The following GRIA4 variants were observed in gnomAD, a reference collection of about 807,000 sequenced individuals.
GRIA4 encodes the protein glutamate receptor 4.
Under a neutral mutation model 104.0 loss-of-function variants are expected in GRIA4, and 34 were observed. The ratio of observed to expected loss-of-function variants is 0.33; its 90% CI spans 0.25 to 0.44. The LOEUF (loss-of-function observed/expected upper bound fraction) is 0.44. GRIA4 is among the 20% of genes least tolerant of loss of function. The probability of loss-of-function intolerance (pLI) is 1.00; values close to 1 mark genes in which losing one functional copy is unlikely to be tolerated. For missense variants in GRIA4, 750 were observed against 1,096.5 expected (o/e 0.68, Z 4.46); for synonymous variants, 386 against 381.9 (o/e 1.01, Z -0.13).
At chr11:105,698,076 GA>G (rs1295380404) in intron 3 of GRIA4, among the ~76,000 whole-genome samples, 1 of 151,978 alleles carries the variant, frequency 6.6e-6, no homozygotes, top group African/African-American at 2.4e-5. Flanking sequence ...TAGAAATAAG[GA>G]AAAAGAGTCC....
chr11:105,822,549 A>C (rs938307232), intron 4 of GRIA4, among the ~76,000 whole-genome samples: 3 of 152,120 alleles, frequency 2.0e-5, no homozygotes, highest in South Asian at 4.1e-4. Context: ...CAGGGAATGC[A>C]ATGATTTTTC....
At chr11:105,715,091 T>A (rs182287690) in intron 3 of GRIA4, among the ~76,000 whole-genome samples, 51 of 152,330 alleles carry the variant, frequency 3.3e-4, no homozygotes, top group Admixed American at 3.0e-3. Context: ...TTATGGAGAA[T>A]TTCTAAAAGT....
intron 6 of GRIA4, among the ~76,000 whole-genome samples, chr11:105,888,727 T>C (rs1946364918): frequency 6.6e-6 from 1 of 152,118 alleles, no homozygotes; most frequent in African/African-American, 2.4e-5. Context: ...GAGACAGGAA[T>C]TTTCGGTCTT....
chr11:105,773,871 G>T (rs1410908013), intron 4 of GRIA4, among the ~76,000 whole-genome samples: 1 of 139,968 alleles, frequency 7.1e-6, no homozygotes, highest in Non-Finnish European at 1.5e-5. Context: ...TTCAAAGAGG[G>T]CAAAAAAAAA....
Position 105,611,102 on chromosome 11 carries a change from TG to T in GRIA4, c.88+21del. ...TGCAAATAGGTAAGGTGTGCTCCGA[TG>T]GGGTGTGCATGTGGCTGGTTGTAGC... On this transcript the variant is annotated intron_variant, in intron 2 of 16. Transcript: ENST00000282499. The T allele has an allele frequency of 1.9e-6, 3 of 1,581,420 alleles. No homozygotes were observed. The highest frequency in any genetic ancestry group is 2.6e-6 in the Non-Finnish European group (3 of 1,150,414).
At chr11:105,801,828 G>T (rs1456373510) in intron 4 of GRIA4, among the ~76,000 whole-genome samples, 1 of 152,068 alleles carries the variant, frequency 6.6e-6, no homozygotes, top group Non-Finnish European at 1.5e-5. Flanking sequence ...ATCACTGAAG[G>T]TATTCAAGCA....
At chr11:105,871,703 A>G (rs1945622757) in intron 5 of GRIA4, among the ~76,000 whole-genome samples, 1 of 151,974 alleles carries the variant, frequency 6.6e-6, no homozygotes, top group Non-Finnish European at 1.5e-5. Flanking sequence ...CTGCTGAAAT[A>G]AAAGCAAAGA....
chr11:105,698,136 A>C (rs1193726102), intron 3 of GRIA4, among the ~76,000 whole-genome samples: 1 of 152,148 alleles, frequency 6.6e-6, no homozygotes, highest in Admixed American at 6.6e-5. Context: ...TGTACTCACT[A>C]GCTATTTTCA....
chr11:105,867,134 T>C lies in GRIA4; in HGVS notation c.672+4926T>C, dbSNP rs1214417496. On this transcript the variant is annotated intron_variant, in intron 5 of 16. Transcript: ENST00000282499. ...CGGATTACTGACAAAACCAGTGACC[T>C]TCCCACACTGTTTGCAAATCAATCA... Among the ~76,000 whole-genome samples the C allele has an allele frequency of 2.6e-5, 4 of 152,068 alleles. No individual in the cohort carries two copies. The South Asian group carries it at 6.2e-4, about 24-fold the overall frequency.
At chr11:105,841,303 AC>A (rs1216630778) in intron 4 of GRIA4, among the ~76,000 whole-genome samples, 8 of 152,080 alleles carry the variant, frequency 5.3e-5, no homozygotes, top group African/African-American at 1.9e-4. Context: ...TATCCTCATC[AC>A]TTTTTCTTAA....
chr11:105,807,484 T>C (rs1942999334), intron 4 of GRIA4, among the ~76,000 whole-genome samples: 1 of 151,878 alleles, frequency 6.6e-6, no homozygotes, highest in Non-Finnish European at 1.5e-5. Context: ...TTCTAAGAGT[T>C]TCAAGTGCTT....
At chr11:105,627,188 G>A (rs1453191322) in intron 3 of GRIA4, among the ~76,000 whole-genome samples, 3 of 152,114 alleles carry the variant, frequency 2.0e-5, no homozygotes, top group Admixed American at 6.6e-5. Context: ...TAAAGAGAAA[G>A]AAAAATATTT....
At chr11:105,679,718 G>A (rs528718539) in intron 3 of GRIA4, among the ~76,000 whole-genome samples, 1 of 152,058 alleles carries the variant, frequency 6.6e-6, no homozygotes, top group Admixed American at 6.6e-5. Flanking sequence ...ACACACACAC[G>A]AACATATTTA....
chr11:105,690,071 G>C (rs577792894), intron 3 of GRIA4, among the ~76,000 whole-genome samples: 1 of 152,254 alleles, frequency 6.6e-6, no homozygotes, highest in South Asian at 2.1e-4. Context: ...AGAATCATTT[G>C]ATTTCATTTT....
chr11:105,725,055 A>T lies in GRIA4; in HGVS notation c.248-27926A>T, dbSNP rs137874594. ...AATCTCTCTGAGCTTTAGTTTCTTC[A>T]TTTATAAAATGAGGATAATCAATAC... On this transcript the variant is annotated intron_variant, in intron 3 of 16. Coordinates refer to ENST00000282499, the MANE Select transcript of GRIA4 (RefSeq NM_000829.4). 3.5e-3 allele frequency among the ~76,000 whole-genome samples: 537 copies of T among 152,224 alleles called. 3 individuals are homozygous for T. The highest frequency in any genetic ancestry group is 0.012 in the African/African-American group (513 of 41,548).
chr11:105,840,007 A>G (rs1479371884), intron 4 of GRIA4, among the ~76,000 whole-genome samples: 1 of 152,202 alleles, frequency 6.6e-6, no homozygotes. Flanking sequence ...GAACTGGCTA[A>G]GTCTGCAACA....
chr11:105,778,245 T>G (rs777762763), intron 4 of GRIA4, among the ~76,000 whole-genome samples: 2 of 152,218 alleles, frequency 1.3e-5, no homozygotes, highest in Non-Finnish European at 2.9e-5. Context: ...AAAGTCCTTC[T>G]AGCTTTTGTG....
chr11:105,926,715 A>G (rs1403508123), intron 12 of GRIA4, 26 bp from the exon 13 acceptor site: 1 of 1,437,812 alleles, frequency 7.0e-7, no homozygotes, highest in Admixed American at 1.7e-5. Flanking sequence ...AGAAAGGAAA[A>G]TGTGCATTAT....
chr11:105,861,935 A>C, intron 4 of GRIA4, 89 bp from the exon 5 acceptor site: 1 of 748,214 alleles, frequency 1.3e-6, no homozygotes, highest in Non-Finnish European at 2.3e-6. Context: ...ATTTTGGAAC[A>C]TAACAGTGTT....
Sources: gnomAD v4.1 joint callset for allele counts (sites outside exome capture counted in the v4.1 genomes callset) on GRCh38, gnomAD v4.1.1 for gene constraint, MANE v1.5 for transcripts, NCBI Gene and HGNC (gene_info 2026-07-23, HGNC 2026-07-21) for gene names.